METTL15: variants seen among roughly 807,000 people sequenced by gnomAD.
METTL15 encodes methyltransferase 15, mitochondrial 12S rRNA N4-cytidine.
In METTL15, 34 loss-of-function variants were observed where a neutral mutation model predicts 38.3. The observed-to-expected ratio is 0.89, with a 90% CI of 0.68 to 1.18. The LOEUF is 1.18. METTL15 is among the 50% of genes most tolerant of loss of function. The pLI, the probability that METTL15 is intolerant of heterozygous loss-of-function variation, is 0.00. For missense variants in METTL15, 438 were observed against 498.4 expected (o/e 0.88, Z 1.15); for synonymous variants, 162 against 170.9 (o/e 0.95, Z 0.41).
intron 6 of METTL15, among the ~76,000 whole-genome samples, chr11:28,496,778 A>G (rs571437158): frequency 6.6e-5 from 10 of 152,328 alleles, no homozygotes; most frequent in Non-Finnish European, 1.2e-4. Flanking sequence ...GCAGCCTTTA[A>G]CTTTGTCTAT....
chr11:28,316,403 T>C lies in METTL15; in HGVS notation c.779-13993T>C, dbSNP rs113383154. ...TCCATTTGGAATTGCTGTATTTACC[T>C]ATTGCCTATACTCCCATTGCAACTA... On this transcript the variant is annotated intron_variant, in intron 6 of 6. Transcript: ENST00000407364. Among the ~76,000 whole-genome samples, 378 of 152,372 alleles carry C rather than the reference T, an allele frequency of 2.5e-3. 2 individuals are homozygous for C. The highest frequency in any genetic ancestry group is 6.9e-3 in the African/African-American group (288 of 41,588).
At chr11:28,286,781 C>G (rs1038739682) in intron 4 of METTL15, among the ~76,000 whole-genome samples, 2 of 151,910 alleles carry the variant, frequency 1.3e-5, no homozygotes, top group African/African-American at 4.8e-5. Flanking sequence ...CACTAGAAAA[C>G]AGGTATAATT....
intron 6 of METTL15, chr11:28,328,178 C>G: frequency 1.2e-6 from 2 of 1,606,426 alleles, no homozygotes; most frequent in Non-Finnish European, 1.7e-6. Context: ...AAGAAGCTGG[C>G]CTTCCTTTTC....
intron 5 of METTL15, among the ~76,000 whole-genome samples, chr11:28,367,002 A>G (rs1383762396): frequency 6.6e-6 from 1 of 152,202 alleles, no homozygotes; most frequent in Non-Finnish European, 1.5e-5. Flanking sequence ...CTTCCTTCCA[A>G]GCTAGCACAG....
chr11:28,369,689 G>C (rs564402345), intron 5 of METTL15, among the ~76,000 whole-genome samples: 1 of 152,232 alleles, frequency 6.6e-6, no homozygotes, highest in Admixed American at 6.5e-5. Context: ...ACTGGCAAAA[G>C]TGTCTTTCAA....
intron 4 of METTL15, among the ~76,000 whole-genome samples, chr11:28,279,970 G>A (rs889647160): frequency 5.3e-5 from 8 of 151,020 alleles, no homozygotes; most frequent in Admixed American, 4.6e-4. Context: ...CCTCTTCCAG[G>A]ACATTGTAAT....
intron 6 of METTL15, among the ~76,000 whole-genome samples, chr11:28,440,661 C>T (rs559322008): frequency 1.4e-3 from 208 of 152,284 alleles, no homozygotes; most frequent in Non-Finnish European, 2.6e-3. Context: ...ATCTAAAGTG[C>T]TCAATTCATT....
At chr11:28,144,859 T>C (rs1373800021) in intron 3 of METTL15, 1 of 153,542 alleles carries the variant, frequency 6.5e-6, no homozygotes, top group Non-Finnish European at 1.5e-5. Flanking sequence ...AACACTGAAA[T>C]AGTAAGTCAA....
chr11:28,114,722 A>G (rs954803040), intron 3 of METTL15, among the ~76,000 whole-genome samples: 3 of 152,176 alleles, frequency 2.0e-5, no homozygotes, highest in Non-Finnish European at 4.4e-5. Flanking sequence ...AAGTGTTGGG[A>G]TTACAGGCTT....
At chr11:28,472,133 G>A (rs1851309037) in intron 6 of METTL15, among the ~76,000 whole-genome samples, 1 of 152,114 alleles carries the variant, frequency 6.6e-6, no homozygotes. Flanking sequence ...TTGAGAAAGT[G>A]AATAAAAGAA....
intron 6 of METTL15, among the ~76,000 whole-genome samples, chr11:28,488,390 A>G (rs1261896848): frequency 6.6e-6 from 1 of 152,140 alleles, no homozygotes; most frequent in African/African-American, 2.4e-5. Flanking sequence ...CTAAAGAATA[A>G]CACAACTCAG....
At chr11:28,348,698 A>G (rs1327879995) in intron 3 of METTL15, among the ~76,000 whole-genome samples, 1 of 146,760 alleles carries the variant, frequency 6.8e-6, no homozygotes, top group Non-Finnish European at 1.5e-5. Context: ...GTATGTATGT[A>G]TGTATGTATG....
intron 6 of METTL15, chr11:28,517,137 A>G (rs1384905612): frequency 1.3e-5 from 2 of 152,178 alleles, no homozygotes; most frequent in Non-Finnish European, 2.9e-5. Flanking sequence ...TGTGAAAACT[A>G]CAGTGTAAGG....
intron 6 of METTL15, among the ~76,000 whole-genome samples, chr11:28,443,749 G>A (rs960652718): frequency 5.3e-5 from 8 of 152,108 alleles, no homozygotes; most frequent in Non-Finnish European, 1.0e-4. Flanking sequence ...AATCCTGTCC[G>A]CTCCACTTGA....
intron 2 of METTL15, among the ~76,000 whole-genome samples, chr11:28,111,671 C>A (rs1202016135): frequency 1.3e-5 from 2 of 152,046 alleles, no homozygotes; most frequent in East Asian, 1.9e-4. Context: ...AGCTATGTGG[C>A]CTTTGGCAAA....
At chr11:28,119,690 A>G (rs1359385470) in intron 3 of METTL15, among the ~76,000 whole-genome samples, 9 of 152,258 alleles carry the variant, frequency 5.9e-5, no homozygotes, top group Non-Finnish European at 4.4e-5. Context: ...ACTAGCTTTG[A>G]TAATTTTCTT....
rs192043518 is a variant in METTL15, at chr11:28,317,414, A to G, written c.779-12982A>G. The stretch of plus-strand genomic sequence containing the variant: ...TGGGTTGCGTCACCGAGACTTATTA[A>G]ATGTGATGGAAATTCAACAGCCGAA... On this transcript the variant is annotated intron_variant, in intron 6 of 6. Transcript: ENST00000407364. 4.1e-3 allele frequency among the ~76,000 whole-genome samples: 627 copies of G among 152,220 alleles called. 2 individuals carry two copies. The highest frequency in any genetic ancestry group is 6.8e-3 in the Middle Eastern group (2 of 294).
chr11:28,124,210 T>G (rs143080688), intron 3 of METTL15, among the ~76,000 whole-genome samples: 2 of 152,040 alleles, frequency 1.3e-5, no homozygotes, highest in Non-Finnish European at 2.9e-5. Context: ...CAAACCTAAG[T>G]GTTCTTATGT....
chr11:28,399,542 C>T (rs1034745864), intron 5 of METTL15, among the ~76,000 whole-genome samples: 3 of 151,926 alleles, frequency 2.0e-5, no homozygotes, highest in South Asian at 4.1e-4. Context: ...CATTTATCTT[C>T]ATAGCACATA....
Sources: allele counts gnomAD v4.1 joint callset (sites outside exome capture counted in the v4.1 genomes callset), GRCh38; gene constraint gnomAD v4.1.1; transcripts MANE v1.5; gene names NCBI Gene and HGNC (gene_info 2026-07-23, HGNC 2026-07-21).